Variants in GPC5 observed in about 807,000 individuals in gnomAD.
The protein encoded by GPC5 is glypican-5.
In GPC5, 47 loss-of-function variants were observed where a neutral mutation model predicts 53.9. The ratio of observed to expected loss-of-function variants is 0.87; its 90% CI spans 0.69 to 1.11. GPC5 has a LOEUF of 1.11. Ranked by LOEUF, GPC5 falls within the 50% of genes most tolerant of loss-of-function variation. GPC5 has a pLI of 0.00. For missense variants in GPC5, 748 were observed against 713.1 expected (o/e 1.05, Z -0.56); for synonymous variants, 286 against 263.3 (o/e 1.09, Z -0.84).
intron 2 of GPC5, among the ~76,000 whole-genome samples, chr13:91,671,617 G>T (rs1160204191): frequency 6.6e-6 from 1 of 151,804 alleles, no homozygotes; most frequent in African/African-American, 2.4e-5. Context: ...CTAATGGATA[G>T]GAAGAATCAA....
intron 2 of GPC5, among the ~76,000 whole-genome samples, chr13:91,609,223 T>C (rs1006927674): frequency 2.0e-5 from 3 of 151,708 alleles, no homozygotes; most frequent in African/African-American, 4.8e-5. Context: ...ATTCGAATGC[T>C]GTATCATATT....
At chr13:91,708,815 T>C (rs2036165129) in intron 3 of GPC5, among the ~76,000 whole-genome samples, 1 of 152,210 alleles carries the variant, frequency 6.6e-6, no homozygotes, top group African/African-American at 2.4e-5. Context: ...GTTGGCATAC[T>C]CTTTCTGAGG....
chr13:92,001,678 A>G (rs1483130019), intron 6 of GPC5, among the ~76,000 whole-genome samples: 4 of 152,238 alleles, frequency 2.6e-5, no homozygotes, highest in African/African-American at 4.8e-5. Flanking sequence ...TGTAAAAAGT[A>G]TTGTAAAAGT....
At position 92,793,440 on chromosome 13, in the gene GPC5, C is replaced by G. The variant is rs553786739; in HGVS notation, c.1562-72842C>G. Among the ~76,000 whole-genome samples the G allele has an allele frequency of 3.9e-5, 6 of 152,144 alleles. No individual in the cohort carries two copies. The East Asian group carries it at 9.7e-4, about 25-fold the overall frequency. Reference sequence around the variant, plus strand: ...TGCACACAAGAGGAAGCAGAAAGATCTAAAATCGACACCCTAACATCACAA... The same window carrying G: ...TGCACACAAGAGGAAGCAGAAAGATGTAAAATCGACACCCTAACATCACAA... On this transcript the variant is annotated intron_variant, in intron 7 of 7. Transcript: ENST00000377067.
chr13:92,304,956 C>T (rs1313844867), intron 7 of GPC5, among the ~76,000 whole-genome samples: 4 of 152,064 alleles, frequency 2.6e-5, no homozygotes, highest in Non-Finnish European at 5.9e-5. Flanking sequence ...ACAGCCCTAA[C>T]CATTAGAGTA....
chr13:92,865,031 TAGTCTC>T (rs1879297501), intron 7 of GPC5, among the ~76,000 whole-genome samples: 1 of 152,170 alleles, frequency 6.6e-6, no homozygotes, highest in Admixed American at 6.6e-5. Context: ...TTCAGTCACT[TAGTCTC>T]AGAACACTGA....
intron 7 of GPC5, among the ~76,000 whole-genome samples, chr13:92,362,617 C>T (rs995693324): frequency 5.3e-5 from 8 of 151,746 alleles, no homozygotes; most frequent in African/African-American, 2.0e-4. Flanking sequence ...CTTTGAAAAT[C>T]TCAGCACATA....
chr13:91,780,997 G>A (rs918876157), intron 5 of GPC5, among the ~76,000 whole-genome samples: 3 of 152,148 alleles, frequency 2.0e-5, no homozygotes, highest in East Asian at 1.9e-4. Flanking sequence ...GAAGAAAAGC[G>A]AAGGAAAAGT....
chr13:92,795,746 C>A (rs1186821262), intron 7 of GPC5, among the ~76,000 whole-genome samples: 1 of 152,054 alleles, frequency 6.6e-6, no homozygotes, highest in Non-Finnish European at 1.5e-5. Flanking sequence ...ATGCAGTGAA[C>A]AGACACATGA....
intron 7 of GPC5, among the ~76,000 whole-genome samples, chr13:92,319,033 C>A (rs2139220335): frequency 6.6e-6 from 1 of 152,138 alleles, no homozygotes; most frequent in South Asian, 2.1e-4. Context: ...AGGGCAAAGA[C>A]CCTTAAACAT....
chr13:92,546,327 A>G (rs1056208418), intron 7 of GPC5, among the ~76,000 whole-genome samples: 1 of 152,282 alleles, frequency 6.6e-6, no homozygotes, highest in African/African-American at 2.4e-5. Context: ...GTCTCAGGAT[A>G]AAAAAATCAA....
At chr13:92,411,428 T>C (rs1876039100) in intron 7 of GPC5, among the ~76,000 whole-genome samples, 1 of 152,350 alleles carries the variant, frequency 6.6e-6, no homozygotes, top group Non-Finnish European at 1.5e-5. Flanking sequence ...ACTTGTATTT[T>C]ATTATATTTT....
At chr13:92,844,403 G>T (rs959973494) in intron 7 of GPC5, among the ~76,000 whole-genome samples, 9 of 152,260 alleles carry the variant, frequency 5.9e-5, no homozygotes, top group African/African-American at 2.2e-4. Context: ...TGCAAGTACA[G>T]AATGTGAGAG....
chr13:91,830,776 A>G (rs1330182076), intron 5 of GPC5, among the ~76,000 whole-genome samples: 2 of 124,760 alleles, frequency 1.6e-5, no homozygotes, highest in Admixed American at 9.2e-5. Flanking sequence ...TATTATATAT[A>G]AAATATATAT....
intron 7 of GPC5, among the ~76,000 whole-genome samples, chr13:92,742,229 C>T (rs1889118557): frequency 6.6e-6 from 1 of 151,178 alleles, no homozygotes; most frequent in Non-Finnish European, 1.5e-5. Flanking sequence ...TATTTCTCCA[C>T]ATCCTCTCCA....
At chr13:92,736,761 T>G (rs1338699270) in intron 7 of GPC5, among the ~76,000 whole-genome samples, 6 of 151,980 alleles carry the variant, frequency 3.9e-5, no homozygotes, top group Non-Finnish European at 8.8e-5. Context: ...TTCATTTAAA[T>G]GAGAACAGGG....
intron 7 of GPC5, among the ~76,000 whole-genome samples, chr13:92,562,377 A>G (rs1882728727): frequency 6.6e-6 from 1 of 151,964 alleles, no homozygotes; most frequent in Non-Finnish European, 1.5e-5. Flanking sequence ...TCTGGTGCCT[A>G]TTCACCTCAC....
At chr13:91,903,168 T>G (rs1406208544) in intron 5 of GPC5, among the ~76,000 whole-genome samples, 1 of 152,044 alleles carries the variant, frequency 6.6e-6, no homozygotes, top group Non-Finnish European at 1.5e-5. Flanking sequence ...GTTTTAAAAT[T>G]TTTAGTAAAT....
In GPC5 at chr13:91,976,794, C is replaced by T. The variant is rs575738182; in HGVS notation, c.1401+68737C>T. Among the ~76,000 whole-genome samples the T allele has an allele frequency of 2.8e-4, 43 of 152,268 alleles. No homozygotes were observed. In the South Asian group the frequency reaches 8.7e-3, roughly 31 times the overall value. On this transcript the variant is annotated intron_variant, in intron 6 of 7. Coordinates refer to ENST00000377067, the MANE Select transcript of GPC5 (RefSeq NM_004466.6). ...GTGGCTCACGCCTGTAATCCCAGCA[C>T]TTTGGGAGGCTGTGGCAGGCGAAAC...
Sources: gnomAD v4.1 joint callset for allele counts (sites outside exome capture counted in the v4.1 genomes callset) on GRCh38, gnomAD v4.1.1 for gene constraint, MANE v1.5 for transcripts, NCBI Gene and HGNC (gene_info 2026-07-23, HGNC 2026-07-21) for gene names.